GLT1D1: variants seen among roughly 807,000 people sequenced by gnomAD.
The protein encoded by GLT1D1 is glycosyltransferase 1 domain-containing protein 1.
A neutral mutation model predicts 28.7 loss-of-function variants in GLT1D1; 21 were observed. The observed-to-expected ratio is 0.73, with a 90% CI of 0.52 to 1.05. The LOEUF (loss-of-function observed/expected upper bound fraction) is 1.05, where lower values mean the gene tolerates loss of function less well. Among genes scored for constraint, GLT1D1 ranks in the 50% least tolerant of loss-of-function variants. GLT1D1 has a pLI of 0.00. For missense variants in GLT1D1, 343 were observed against 330.6 expected (o/e 1.04, Z -0.29); for synonymous variants, 147 against 124.8 (o/e 1.18, Z -1.19).
intron 3 of GLT1D1, among the ~76,000 whole-genome samples, chr12:128,890,582 C>T (rs111508224): frequency 0.051 from 7,791 of 152,048 alleles, 650 homozygotes; most frequent in African/African-American, 0.17. Context: ...GTCAGGAGTT[C>T]GAGACCAGCC....
chr12:128,890,611 C>G (rs534521406), intron 3 of GLT1D1, among the ~76,000 whole-genome samples: 16 of 147,014 alleles, frequency 1.1e-4, no homozygotes, highest in African/African-American at 3.5e-4. Flanking sequence ...ACGGAGAAAC[C>G]CCATCTCTAT....
chr12:128,913,846 A>G (rs974306555), intron 4 of GLT1D1, among the ~76,000 whole-genome samples: 26 of 152,192 alleles, frequency 1.7e-4, no homozygotes, highest in Non-Finnish European at 2.9e-5. Flanking sequence ...AGTGCGTTTA[A>G]CCTCTTTGAA....
At chr12:128,941,163 C>T (rs1024564001) in intron 4 of GLT1D1, among the ~76,000 whole-genome samples, 1 of 152,216 alleles carries the variant, frequency 6.6e-6, no homozygotes, top group Non-Finnish European at 1.5e-5. Context: ...TTGGCACTTC[C>T]TTGTCACGGC....
chr12:128,859,115 T>G (rs1817669535), intron 1 of GLT1D1, among the ~76,000 whole-genome samples: 1 of 152,240 alleles, frequency 6.6e-6, no homozygotes, highest in South Asian at 2.1e-4. Context: ...TCTCAGGACC[T>G]CCTGAGGGCT....
chr12:128,934,254 A>G (rs1246126976), intron 4 of GLT1D1, among the ~76,000 whole-genome samples: 2 of 120,150 alleles, frequency 1.7e-5, no homozygotes, highest in African/African-American at 3.3e-5. Context: ...CCCAGGCTGG[A>G]TTGAAGTGGC....
chr12:128,942,764 T>G (rs1447250287), intron 4 of GLT1D1, among the ~76,000 whole-genome samples: 4 of 146,828 alleles, frequency 2.7e-5, no homozygotes, highest in South Asian at 2.1e-4. Context: ...TTGTTTTTTT[T>G]TTTTGAGACA....
At chr12:128,922,624 T>TA (rs1192981581) in intron 4 of GLT1D1, among the ~76,000 whole-genome samples, 1 of 152,100 alleles carries the variant, frequency 6.6e-6, no homozygotes, top group Non-Finnish European at 1.5e-5. Flanking sequence ...TCAGGATACT[T>TA]AGAATATTAA....
chr12:128,854,501 T>C (rs1206862792), intron 1 of GLT1D1, among the ~76,000 whole-genome samples: 6 of 151,848 alleles, frequency 4.0e-5, no homozygotes, highest in African/African-American at 1.5e-4. Context: ...TGTTTCCCCA[T>C]CAATTTATTT....
intron 3 of GLT1D1, among the ~76,000 whole-genome samples, chr12:128,893,044 A>C (rs561218997): frequency 6.6e-6 from 1 of 152,240 alleles, no homozygotes; most frequent in Admixed American, 6.5e-5. Context: ...CAGGAGTTTG[A>C]GACCAGCCTG....
intron 1 of GLT1D1, among the ~76,000 whole-genome samples, chr12:128,854,857 AT>A (rs1387486951): frequency 6.6e-6 from 1 of 152,082 alleles, no homozygotes; most frequent in Non-Finnish European, 1.5e-5. Flanking sequence ...CTTTCAGCTA[AT>A]TTCTCCTAAA....
At chr12:128,920,766 G>T (rs187530120) in intron 4 of GLT1D1, among the ~76,000 whole-genome samples, 1 of 152,172 alleles carries the variant, frequency 6.6e-6, no homozygotes, top group African/African-American at 2.4e-5. Flanking sequence ...TAAAAATACC[G>T]TTCTCCAGGA....
chr12:128,935,592 A>G (rs1369241628), intron 4 of GLT1D1, among the ~76,000 whole-genome samples: 2 of 151,822 alleles, frequency 1.3e-5, no homozygotes, highest in Middle Eastern at 3.2e-3. Flanking sequence ...ATTGCCTAAA[A>G]TGTCGCTGAG....
chr12:128,956,219 G>A (rs917930420), intron 6 of GLT1D1, among the ~76,000 whole-genome samples: 2 of 143,474 alleles, frequency 1.4e-5, no homozygotes, highest in African/African-American at 5.1e-5. Flanking sequence ...TTAAAAATGC[G>A]TTAAATACCC....
intron 4 of GLT1D1, among the ~76,000 whole-genome samples, chr12:128,942,986 A>G (rs1875524945): frequency 6.6e-6 from 1 of 152,016 alleles, no homozygotes; most frequent in South Asian, 2.1e-4. Context: ...TGACCTCATG[A>G]TCCACCCGCC....
intron 4 of GLT1D1, among the ~76,000 whole-genome samples, chr12:128,930,029 G>T (rs184649191): frequency 3.6e-4 from 55 of 152,220 alleles, no homozygotes; most frequent in Non-Finnish European, 1.5e-5. Flanking sequence ...TGACCACATT[G>T]AATACCATAT....
chr12:128,896,527 A>AT (rs1412662343), intron 3 of GLT1D1, among the ~76,000 whole-genome samples: 70 of 149,478 alleles, frequency 4.7e-4, no homozygotes, highest in African/African-American at 1.7e-3. Context: ...GTCTGTGACT[A>AT]TATTTTCATT....
At chr12:128,926,589 A>G (rs1307120030) in intron 4 of GLT1D1, 135 bp downstream of exon 7, 12 of 546,548 alleles carry the variant, frequency 2.2e-5, no homozygotes, top group African/African-American at 7.7e-5. Context: ...CTAGATTGCT[A>G]CTTTGGAAAA....
intron 4 of GLT1D1, among the ~76,000 whole-genome samples, chr12:128,924,401 T>C (rs953312944): frequency 2.0e-5 from 3 of 147,690 alleles, no homozygotes; most frequent in African/African-American, 7.4e-5. Context: ...CACTCCAGCA[T>C]AGTTGACAGA....
Position 128,870,352 on chromosome 12 carries a change from C to G in GLT1D1, c.69-5562C>G, listed in dbSNP as rs767370026. On this transcript the variant is annotated intron_variant, in intron 1 of 7. Coordinates refer to ENST00000281703, the MANE Select transcript of GLT1D1 (RefSeq NM_144669.3). Reference sequence around the variant, plus strand: ...TCAAGTAAAGAGTCTGGTTGCTGGCCGGGGAGCCACAGAGCGTCTGTGAAT... The same window carrying G: ...TCAAGTAAAGAGTCTGGTTGCTGGCGGGGGAGCCACAGAGCGTCTGTGAAT... Among the ~76,000 whole-genome samples, 12 of 152,144 alleles carry G rather than the reference C, an allele frequency of 7.9e-5. 1 individual carries two copies. The highest frequency in any genetic ancestry group is 1.6e-4 in the Non-Finnish European group (11 of 68,034).
Sources: gnomAD v4.1 joint callset for allele counts (sites outside exome capture counted in the v4.1 genomes callset) on GRCh38, gnomAD v4.1.1 for gene constraint, MANE v1.5 for transcripts, NCBI Gene and HGNC (gene_info 2026-07-23, HGNC 2026-07-21) for gene names.